HAAO: variants seen among roughly 807,000 people sequenced by gnomAD.
HAAO encodes the protein 3-hydroxyanthranilate 3,4-dioxygenase.
In HAAO, 49 loss-of-function variants were observed where a neutral mutation model predicts 46.2. The observed-to-expected ratio is 1.06, with a 90% CI of 0.84 to 1.34. The LOEUF (loss-of-function observed/expected upper bound fraction) is 1.34. Ranked by LOEUF, HAAO falls within the 40% of genes most tolerant of loss-of-function variation. The pLI, the probability that HAAO is intolerant of heterozygous loss-of-function variation, is 0.00. For missense variants in HAAO, 408 were observed against 364.5 expected, an observed-to-expected ratio of 1.12 and a Z score of -0.97; for synonymous variants, 157 against 145.2, an observed-to-expected ratio of 1.08 and a Z score of -0.58.
chr2:42,782,378 C>G (rs1443531024), intron 4 of HAAO, among the ~76,000 whole-genome samples: 1 of 152,168 alleles, frequency 6.6e-6, no homozygotes. Context: ...CCTTCCTCCC[C>G]CTATTTTCTC....
intron 4 of HAAO, among the ~76,000 whole-genome samples, chr2:42,774,450 G>T (rs944555946): frequency 2.0e-5 from 3 of 152,180 alleles, no homozygotes; most frequent in South Asian, 2.1e-4. Flanking sequence ...CCCAAATTTG[G>T]TTGAGATCTA....
chr2:42,786,646 G>A (rs1257209450), intron 2 of HAAO, among the ~76,000 whole-genome samples: 2 of 152,288 alleles, frequency 1.3e-5, no homozygotes, highest in East Asian at 1.9e-4. Flanking sequence ...GTTAGTAAGC[G>A]GCAGAGAATT....
At chr2:42,776,468 C>T (rs1285449668) in intron 4 of HAAO, among the ~76,000 whole-genome samples, 2 of 151,802 alleles carry the variant, frequency 1.3e-5, no homozygotes, top group Non-Finnish European at 2.9e-5. Flanking sequence ...AAACTCCTGA[C>T]CTCAGATGAT....
At position 42,770,138 on chromosome 2, in the gene HAAO, C is replaced by A; in HGVS notation, c.484+5G>T. The A allele has an allele frequency of 1.2e-6, 2 of 1,603,920 alleles. No individual in the cohort carries two copies. Among genetic ancestry groups the A allele is most frequent in the Non-Finnish European group, 1.7e-6 (2 of 1,174,144 alleles). On this transcript the variant is annotated splice_donor_5th_base_variant and intron_variant, in intron 6 of 9. Transcript: ENST00000294973. ...AAGGAGAAGGGCAGTTCCCAGCGGC[C>A]TCACCAGGGATGGGCTTTCCTGTTC... is the stretch of plus-strand genomic sequence containing the variant.
chr2:42,788,489 TG>T (rs1476930993), intron 2 of HAAO, 39 bp downstream of exon 2: 1 of 1,314,888 alleles, frequency 7.6e-7, no homozygotes, highest in African/African-American at 1.5e-5. Flanking sequence ...CCAGGCTCCT[TG>T]CCCGCAGGCC....
chr2:42,785,164 T>C (rs1159221351), intron 2 of HAAO, among the ~76,000 whole-genome samples: 1 of 152,206 alleles, frequency 6.6e-6, no homozygotes, highest in Non-Finnish European at 1.5e-5. Context: ...AATGTAGCTG[T>C]GAAGATGCCA....
At chr2:42,786,135 G>A (rs1193698053) in intron 2 of HAAO, among the ~76,000 whole-genome samples, 7 of 151,302 alleles carry the variant, frequency 4.6e-5, no homozygotes, top group Non-Finnish European at 8.8e-5. Flanking sequence ...AGGGGAGTCC[G>A]GAGTGACCCT....
chr2:42,786,466 GGC>G (rs1316047198), intron 2 of HAAO, among the ~76,000 whole-genome samples: 1 of 152,216 alleles, frequency 6.6e-6, no homozygotes, highest in Non-Finnish European at 1.5e-5. Flanking sequence ...AGGCAGAAAG[GGC>G]GAGAGGTGTA....
At chr2:42,780,210 A>ATTTT (rs1671882184) in intron 4 of HAAO, among the ~76,000 whole-genome samples, 5 of 109,774 alleles carry the variant, frequency 4.6e-5, no homozygotes, top group Admixed American at 9.9e-5. Flanking sequence ...CTTTTTTTTT[A>ATTTT]ATTTTTTTTT....
intron 7 of HAAO, 81 bp downstream of exon 7, chr2:42,769,632 A>G (rs1007727607): frequency 1.1e-6 from 1 of 944,088 alleles, no homozygotes; most frequent in East Asian, 2.6e-5. Flanking sequence ...AGAGAGAGAG[A>G]GAGGCAGTGA....
Position 42,788,573 on chromosome 2 carries a change from C to G in HAAO, c.115G>C (p.Gly39Arg). The change falls in exon 2 of 10, where the codon GGC becomes CGC. Residue 39 changes from glycine (G) to arginine (R), a missense_variant. Transcript: ENST00000294973. ...TGATAGTCCTTCCTGGTGTTGGGGC[C>G]TCCGATGAACATGACTTTGAGCTGC... ...QEQLKVMFIG[G>R]PNTRKDYHIE... 6.2e-7 allele frequency: 1 copy of G among 1,606,118 alleles called. No individual in the cohort carries two copies. Among genetic ancestry groups the G allele is most frequent in the Non-Finnish European group, 8.5e-7 (1 of 1,172,854 alleles).
rs78588034 is a variant in HAAO at position 42,767,501 on chromosome 2, C to T, written c.797G>A (p.Arg266Gln). 242 of 1,612,106 alleles carry T rather than the reference C, an allele frequency of 1.5e-4. No individual in the cohort carries two copies. The African/African-American group carries it at 2.5e-3, about 16-fold the overall frequency. Residue 266 changes from arginine to glutamine, a missense_variant, in exon 10 of 10, where the codon CGA (arginine) becomes CAA (glutamine). By Grantham distance (43) the Arg-to-Gln change is conservative. Transcript: ENST00000294973. ...AGACAGGGCCACAGAGCCTTGTGTT[C>T]GCTCCCAGGCATACCTGTGGACACA... The part of the protein sequence containing the change: ...VLAGTSYAWE[R>Q]TQGSVALSVT...
At chr2:42,769,250 T>A (rs1243551672) in intron 7 of HAAO, among the ~76,000 whole-genome samples, 1 of 152,180 alleles carries the variant, frequency 6.6e-6, no homozygotes, top group African/African-American at 2.4e-5. Flanking sequence ...TAACAGGCAT[T>A]TAATAAATGT....
Position 42,769,829 on chromosome 2 carries a change from G to C in HAAO, c.514C>G (p.Leu172Val), listed in dbSNP as rs1288731945. The C allele has an allele frequency of 1.2e-6, 2 of 1,613,494 alleles. No individual in the cohort carries two copies. The highest frequency in any genetic ancestry group is 1.7e-6 in the Non-Finnish European group (2 of 1,179,750). Reference protein sequence around the residue: ...DQLLKEPPFPLSTRSIMEPMS... With the variant: ...DQLLKEPPFPVSTRSIMEPMS... ...GGCTCCATGATGGATCGTGTGCTCA[G>C]AGGGAATGGTGGCTCCTTGAGCAGC... The change falls in exon 7 of 10, where the codon CTG (leucine) becomes GTG (valine). Residue 172 changes from leucine (L) to valine (V), a missense_variant. Transcript: ENST00000294973.
chr2:42,784,623 G>C (rs1052916752), intron 2 of HAAO, among the ~76,000 whole-genome samples: 3 of 152,084 alleles, frequency 2.0e-5, no homozygotes, highest in South Asian at 4.1e-4. Flanking sequence ...GGGAGGAAGA[G>C]GAGGAGGCAG....
chr2:42,770,859 GAA>G (rs1260462580), intron 4 of HAAO, among the ~76,000 whole-genome samples: 1 of 152,210 alleles, frequency 6.6e-6, no homozygotes, highest in African/African-American at 2.4e-5. Flanking sequence ...AAAGCAGATA[GAA>G]CTCTGAGACT....
rs763554749 is a variant in HAAO, at chr2:42,792,434, G to A, written c.80+23C>T. 4.2e-6 allele frequency: 6 copies of A among 1,445,292 alleles called. No individual in the cohort carries two copies. In the East Asian group the frequency reaches 1.3e-4, roughly 31 times the overall value. The allele number at this position is 1,445,292 out of a possible 1,614,324, so 89.5% of individuals were successfully genotyped here. On this transcript the variant is annotated intron_variant, in intron 1 of 9. Transcript: ENST00000294973. ...GGGGGAGGAGGCGAGGGCAGGGGGC[G>A]GCCATGGGGGTGCTGGACTCACATG...
intron 7 of HAAO, among the ~76,000 whole-genome samples, 192 bp downstream of exon 7, chr2:42,769,521 G>A (rs192849610): frequency 2.6e-5 from 4 of 152,256 alleles, no homozygotes; most frequent in South Asian, 2.1e-4. Context: ...CGCCTTCTGC[G>A]TCAGGGAGGG....
At chr2:42,780,909 T>C (rs147567350) in intron 4 of HAAO, among the ~76,000 whole-genome samples, 2 of 38,384 alleles carry the variant, frequency 5.2e-5, no homozygotes, top group African/African-American at 3.2e-4. Context: ...CTACTAAAAA[T>C]ACAAAAAAAA....
Sources: gnomAD v4.1 joint callset for allele counts (sites outside exome capture counted in the v4.1 genomes callset) on GRCh38, gnomAD v4.1.1 for gene constraint, MANE v1.5 for transcripts, NCBI Gene and HGNC (gene_info 2026-07-23, HGNC 2026-07-21) for gene names.